Variants in PIGL observed in about 807,000 individuals in gnomAD.
PIGL encodes the protein N-acetylglucosaminyl-phosphatidylinositol de-N-acetylase.
In PIGL, 22 loss-of-function variants were observed where a neutral mutation model predicts 31.1. The observed-to-expected ratio is 0.71, with a 90% confidence interval of 0.51 to 1.01. The LOEUF is 1.01. PIGL is among the 50% of genes least tolerant of loss of function. The probability of loss-of-function intolerance (pLI) is 0.00; values close to 1 mark genes in which losing one functional copy is unlikely to be tolerated. For synonymous variants in PIGL, 131 were observed against 117.4 expected (o/e 1.12, Z -0.75); for missense variants, 302 against 315.9 (o/e 0.96, Z 0.33).
chr17:16,262,162 G>T (rs998221083), intron 2 of PIGL, among the ~76,000 whole-genome samples: 14 of 152,140 alleles, frequency 9.2e-5, no homozygotes, highest in African/African-American at 3.1e-4. Context: ...AGCAGAGGTT[G>T]CAGTGAGGCA....
rs147144600 is a variant in PIGL at position 16,269,220 on chromosome 17, G to A, written c.336-30668G>A. Among the ~76,000 whole-genome samples, 30 of 152,354 alleles carry A rather than the reference G, an allele frequency of 2.0e-4. 1 individual carries two copies. The highest frequency in any genetic ancestry group is 7.0e-4 in the African/African-American group (29 of 41,586). On this transcript the variant is annotated intron_variant, in intron 2 of 6. Transcript: ENST00000225609. Reference sequence around the variant, plus strand: ...TCAAAGGTACACATAGGGCCATGTGGTCTGTCATCTCTGCTTTAGCTGACA... The same window carrying A: ...TCAAAGGTACACATAGGGCCATGTGATCTGTCATCTCTGCTTTAGCTGACA...
intron 2 of PIGL, among the ~76,000 whole-genome samples, chr17:16,255,156 TG>T: frequency 6.6e-6 from 1 of 152,338 alleles, no homozygotes; most frequent in Non-Finnish European, 1.5e-5. Flanking sequence ...TAAGTGAAAT[TG>T]TTTTCGTTTT....
chr17:16,236,142 A>C (rs1039071744), intron 2 of PIGL, among the ~76,000 whole-genome samples: 3 of 152,134 alleles, frequency 2.0e-5, no homozygotes, highest in Admixed American at 1.3e-4. Context: ...AAAAAACAGG[A>C]TAGGTGCTTA....
At chr17:16,308,527 A>C (rs2142852273) in intron 3 of PIGL, among the ~76,000 whole-genome samples, 1 of 152,284 alleles carries the variant, frequency 6.6e-6, no homozygotes, top group Non-Finnish European at 1.5e-5. Context: ...ACAGTGAGCC[A>C]GAAGCACTTA....
chr17:16,282,595 C>CCT (rs2092921029), intron 2 of PIGL, among the ~76,000 whole-genome samples: 2 of 152,124 alleles, frequency 1.3e-5, no homozygotes, highest in Admixed American at 1.3e-4. Context: ...TTAGATGGTT[C>CCT]CTAAAGTCCC....
chr17:16,221,393 TC>T (rs2092628222), intron 1 of PIGL, among the ~76,000 whole-genome samples: 1 of 151,122 alleles, frequency 6.6e-6, no homozygotes, highest in African/African-American at 2.4e-5. Context: ...GCTCAAGTGA[TC>T]CTCCCGCCTC....
chr17:16,278,794 G>A (rs775971543), intron 2 of PIGL, among the ~76,000 whole-genome samples: 14 of 151,166 alleles, frequency 9.3e-5, no homozygotes, highest in Admixed American at 3.3e-4. Context: ...ATGTAAAACT[G>A]ATTTACTTAA....
intron 5 of PIGL, 62 bp from the exon 6 acceptor site, chr17:16,317,712 CA>C: frequency 6.2e-7 from 1 of 1,607,080 alleles, no homozygotes; most frequent in Non-Finnish European, 8.5e-7. Context: ...GGAGGATGCT[CA>C]GGGGAAAATC....
intron 1 of PIGL, among the ~76,000 whole-genome samples, chr17:16,230,920 T>C (rs2092675749): frequency 6.6e-6 from 1 of 152,112 alleles, no homozygotes; most frequent in African/African-American, 2.4e-5. Flanking sequence ...TCCAAATTCA[T>C]ATAGTTAGTA....
intron 1 of PIGL, among the ~76,000 whole-genome samples, chr17:16,226,016 A>T (rs1389112980): frequency 6.6e-6 from 1 of 151,976 alleles, no homozygotes; most frequent in Admixed American, 6.6e-5. Flanking sequence ...AAAAAAAAAA[A>T]AAAAGTTAGC....
chr17:16,300,872 A>G (rs1191529172), intron 3 of PIGL, among the ~76,000 whole-genome samples: 1 of 152,298 alleles, frequency 6.6e-6, no homozygotes, highest in African/African-American at 2.4e-5. Flanking sequence ...CAATTAGAGC[A>G]ATAGCAGAGA....
intron 6 of PIGL, among the ~76,000 whole-genome samples, chr17:16,325,292 C>T (rs945285084): frequency 7.2e-6 from 1 of 138,142 alleles, no homozygotes; most frequent in Non-Finnish European, 1.5e-5. Context: ...TTGCAGTGAG[C>T]CAAGATCGCG....
chr17:16,291,520 A>AG (rs1568826855), intron 2 of PIGL, among the ~76,000 whole-genome samples: 61 of 144,600 alleles, frequency 4.2e-4, no homozygotes, highest in South Asian at 1.7e-3. Context: ...AAAAAAAAAA[A>AG]AAAAGAAAGA....
intron 2 of PIGL, among the ~76,000 whole-genome samples, chr17:16,294,718 G>T (rs2142825751): frequency 6.6e-6 from 1 of 152,340 alleles, no homozygotes; most frequent in East Asian, 1.9e-4. Context: ...TTCTGGAGGG[G>T]TTTGACCAGT....
chr17:16,254,836 T>G (rs978636219), intron 2 of PIGL, among the ~76,000 whole-genome samples: 1 of 150,650 alleles, frequency 6.6e-6, no homozygotes, highest in African/African-American at 2.4e-5. Flanking sequence ...TCTCCTGACC[T>G]CATGATCCAC....
chr17:16,276,516 TGAG>T (rs1160217941), intron 2 of PIGL, among the ~76,000 whole-genome samples: 1 of 152,212 alleles, frequency 6.6e-6, no homozygotes, highest in Non-Finnish European at 1.5e-5. Flanking sequence ...GTGGATCACC[TGAG>T]GTCAAGAGTT....
chr17:16,267,199 G>T (rs1415343248), intron 2 of PIGL, among the ~76,000 whole-genome samples: 1 of 152,116 alleles, frequency 6.6e-6, no homozygotes, highest in Non-Finnish European at 1.5e-5. Context: ...AATAAAGTAA[G>T]CTAGAGAAAA....
intron 4 of PIGL, 42 bp downstream of exon 4, chr17:16,313,656 A>G (rs1254181254): frequency 2.8e-6 from 4 of 1,439,286 alleles, no homozygotes; most frequent in Non-Finnish European, 3.9e-6. Flanking sequence ...GGGTTTGTTT[A>G]TTTGATTAGG....
chr17:16,310,465 C>A (rs143038440), intron 3 of PIGL, among the ~76,000 whole-genome samples: 3 of 152,198 alleles, frequency 2.0e-5, no homozygotes, highest in East Asian at 3.9e-4. Flanking sequence ...GCTCTCCAGA[C>A]CCCAGGAGAA....
Sources: allele counts gnomAD v4.1 joint callset (sites outside exome capture counted in the v4.1 genomes callset), GRCh38; gene constraint gnomAD v4.1.1; transcripts MANE v1.5; gene names NCBI Gene and HGNC (gene_info 2026-07-23, HGNC 2026-07-21).